SNTG1: variants seen among roughly 807,000 people sequenced by gnomAD.
SNTG1 encodes the protein syntrophin gamma 1, also known as gamma-1-syntrophin.
Under a neutral mutation model 74.7 loss-of-function variants are expected in SNTG1, and 39 were observed. The ratio of observed to expected loss-of-function variants is 0.52; its 90% CI spans 0.40 to 0.68. The LOEUF (loss-of-function observed/expected upper bound fraction) is 0.68, where lower values mean the gene tolerates loss of function less well. Among genes scored for constraint, SNTG1 ranks in the 30% least tolerant of loss-of-function variants. The pLI is 0.00. For synonymous variants in SNTG1, 254 were observed against 217.1 expected (o/e 1.17, Z -1.49); for missense variants, 685 against 609.5 (o/e 1.12, Z -1.30).
chr8:50,748,619 G>A (rs2095560372), intron 17 of SNTG1, among the ~76,000 whole-genome samples: 1 of 151,900 alleles, frequency 6.6e-6, no homozygotes, highest in South Asian at 2.1e-4. Flanking sequence ...CCTGCATTGA[G>A]CCACTCTATC....
intron 2 of SNTG1, among the ~76,000 whole-genome samples, chr8:50,280,891 C>T (rs952704470): frequency 2.7e-5 from 4 of 150,222 alleles, no homozygotes; most frequent in African/African-American, 9.8e-5. Flanking sequence ...AGGTGGCTCA[C>T]GCCTGTAATC....
chr8:50,591,170 T>C (rs1185869627), intron 13 of SNTG1, among the ~76,000 whole-genome samples: 3 of 152,152 alleles, frequency 2.0e-5, no homozygotes, highest in Non-Finnish European at 4.4e-5. Context: ...TTTATTTGAA[T>C]ACATTGTTGA....
intron 2 of SNTG1, among the ~76,000 whole-genome samples, chr8:50,175,924 C>T (rs949418744): frequency 6.6e-6 from 1 of 152,018 alleles, no homozygotes; most frequent in Non-Finnish European, 1.5e-5. Context: ...GCTGGCTTCA[C>T]ATTGGAATTG....
intron 8 of SNTG1, among the ~76,000 whole-genome samples, chr8:50,497,087 A>T (rs1405466373): frequency 2.0e-5 from 3 of 152,078 alleles, no homozygotes; most frequent in Non-Finnish European, 2.9e-5. Flanking sequence ...TTACACAGAT[A>T]CTCATAAGTG....
intron 18 of SNTG1, among the ~76,000 whole-genome samples, chr8:50,790,248 C>T (rs2095687098): frequency 6.6e-6 from 1 of 151,828 alleles, no homozygotes; most frequent in South Asian, 2.1e-4. Context: ...TGTTTTGTTC[C>T]TTTGTTTGTT....
chr8:50,204,717 C>A (rs1458935934), intron 2 of SNTG1, among the ~76,000 whole-genome samples: 1 of 152,030 alleles, frequency 6.6e-6, no homozygotes, highest in African/African-American at 2.4e-5. Flanking sequence ...TATCCCTCCC[C>A]ACTCCCCCAA....
chr8:50,387,299 C>G (rs938784278), intron 2 of SNTG1, among the ~76,000 whole-genome samples: 2 of 152,086 alleles, frequency 1.3e-5, no homozygotes, highest in Non-Finnish European at 2.9e-5. Flanking sequence ...CCGAAGAGCT[C>G]TTTAACAGAG....
At chr8:50,614,900 T>C (rs1383240105) in intron 13 of SNTG1, among the ~76,000 whole-genome samples, 1 of 151,912 alleles carries the variant, frequency 6.6e-6, no homozygotes, top group Non-Finnish European at 1.5e-5. Context: ...TTTCTGATTA[T>C]GTAATGTTTT....
At position 50,652,067 on chromosome 8, in the gene SNTG1, T is replaced by A. The variant is rs1282871611; in HGVS notation, c.850-4842T>A. Among the ~76,000 whole-genome samples, 4 of 152,248 alleles carry A rather than the reference T, an allele frequency of 2.6e-5. No individual in the cohort carries two copies. In the East Asian group the frequency reaches 7.7e-4, roughly 29 times the overall value. On this transcript the variant is annotated intron_variant, in intron 13 of 18. Transcript: ENST00000642720. ...AACCGGCCTTAACTTCATTTTTGAT[T>A]TCTCCTTTGATCTGTGAACTATGTT...
At chr8:50,582,224 T>C (rs2094614713) in intron 12 of SNTG1, among the ~76,000 whole-genome samples, 1 of 152,206 alleles carries the variant, frequency 6.6e-6, no homozygotes, top group Non-Finnish European at 1.5e-5. Context: ...TTCAAATTCA[T>C]GAGTTTAACT....
At position 49,944,645 on chromosome 8, in the gene SNTG1, G is replaced by C. The variant is rs1270513601; in HGVS notation, c.-103+32414G>C. Among the ~76,000 whole-genome samples the C allele has an allele frequency of 4.6e-5, 7 of 150,646 alleles. No homozygotes were observed. In the South Asian group the frequency reaches 1.3e-3, roughly 27 times the overall value. The stretch of plus-strand genomic sequence containing the variant: ...CTAATGCTAAATGACGAGTTAATGG[G>C]TGCAGCACACTAGCATGGCACATGT... On this transcript the variant is annotated intron_variant, in intron 1 of 18. Coordinates refer to ENST00000642720, the MANE Select transcript of SNTG1 (RefSeq NM_018967.5).
chr8:50,050,415 C>A (rs1819468419), intron 1 of SNTG1, among the ~76,000 whole-genome samples: 1 of 151,868 alleles, frequency 6.6e-6, no homozygotes. Flanking sequence ...AACAGAGAAC[C>A]TGAATAGGTT....
At chr8:50,107,162 T>C (rs1465380007) in intron 1 of SNTG1, among the ~76,000 whole-genome samples, 2 of 152,190 alleles carry the variant, frequency 1.3e-5, no homozygotes, top group Non-Finnish European at 2.9e-5. Context: ...TTTTCTTGAA[T>C]GCCCTTTTAT....
chr8:50,172,554 C>T lies in SNTG1; in HGVS notation c.-102-7C>T, dbSNP rs1445313558. 2 of 151,734 alleles carry T rather than the reference C, an allele frequency of 1.3e-5. No homozygotes were observed. Among genetic ancestry groups the T allele is most frequent in the Non-Finnish European group, 2.9e-5 (2 of 67,958 alleles). The allele number at this position is 151,734 out of a possible 1,614,324, so 9.4% of individuals were successfully genotyped here. Reference sequence around the variant, plus strand: ...TAGGACTTATTTTTTTTTATTTCTGCATCTAGACTGCTCTCCAGAATGTTG... The same window carrying T: ...TAGGACTTATTTTTTTTTATTTCTGTATCTAGACTGCTCTCCAGAATGTTG... On this transcript the variant is annotated splice_region_variant and splice_polypyrimidine_tract_variant and intron_variant, in intron 1 of 18. Transcript: ENST00000642720.
chr8:50,375,415 C>G (rs558960261), intron 2 of SNTG1, among the ~76,000 whole-genome samples: 6 of 151,786 alleles, frequency 4.0e-5, no homozygotes, highest in African/African-American at 9.7e-5. Flanking sequence ...ACAGAGGAGC[C>G]AAGCAGAAGA....
chr8:50,055,458 T>C (rs1156562809), intron 1 of SNTG1, among the ~76,000 whole-genome samples: 1 of 152,142 alleles, frequency 6.6e-6, no homozygotes, highest in Non-Finnish European at 1.5e-5. Flanking sequence ...AATGCTCCTG[T>C]TTCTTTAAAT....
chr8:50,177,771 G>C (rs2083053955), intron 2 of SNTG1, among the ~76,000 whole-genome samples: 1 of 152,184 alleles, frequency 6.6e-6, no homozygotes. Flanking sequence ...TTGTGTTGCA[G>C]TGTTCTATGG....
chr8:50,064,807 C>T (rs549203985), intron 1 of SNTG1, among the ~76,000 whole-genome samples: 88 of 152,276 alleles, frequency 5.8e-4, no homozygotes, highest in Non-Finnish European at 1.0e-3. Flanking sequence ...GCTAGCTTCT[C>T]AAGGAGCTGA....
chr8:50,251,666 A>G (rs906432966), intron 2 of SNTG1, among the ~76,000 whole-genome samples: 27 of 152,132 alleles, frequency 1.8e-4, no homozygotes, highest in African/African-American at 5.8e-4. Flanking sequence ...TAACTCAACA[A>G]GAATTTACAA....
Sources: allele counts gnomAD v4.1 joint callset (sites outside exome capture counted in the v4.1 genomes callset), GRCh38; gene constraint gnomAD v4.1.1; transcripts MANE v1.5; gene names NCBI Gene and HGNC (gene_info 2026-07-23, HGNC 2026-07-21).